The following SUPT3H variants were observed in gnomAD, a reference collection of about 807,000 sequenced individuals.
SUPT3H encodes SPT3 homolog, SAGA and STAGA complex component.
Under a neutral mutation model 44.3 loss-of-function variants are expected in SUPT3H, and 44 were observed. That is an observed-to-expected ratio of 0.99 (90% CI 0.78 to 1.28). The LOEUF (loss-of-function observed/expected upper bound fraction) is 1.28, where lower values mean the gene tolerates loss of function less well. SUPT3H is among the 50% of genes most tolerant of loss of function. The probability of loss-of-function intolerance (pLI) is 0.00; values close to 1 mark genes in which losing one functional copy is unlikely to be tolerated. For synonymous variants in SUPT3H, 124 were observed against 125.6 expected (o/e 0.99, Z 0.09); for missense variants, 380 against 387.1 (o/e 0.98, Z 0.15).
intron 2 of SUPT3H, among the ~76,000 whole-genome samples, chr6:45,235,513 T>G (rs910205776): frequency 2.0e-5 from 3 of 152,140 alleles, no homozygotes; most frequent in African/African-American, 7.2e-5. Flanking sequence ...TATACATGTG[T>G]GTGTGTGTAC....
intron 1 of SUPT3H, among the ~76,000 whole-genome samples, chr6:45,368,957 T>A (rs1277010565): frequency 1.3e-5 from 2 of 152,020 alleles, no homozygotes; most frequent in Non-Finnish European, 2.9e-5. Context: ...GATCTAAATT[T>A]CTTCTGATGT....
intron 2 of SUPT3H, among the ~76,000 whole-genome samples, chr6:45,269,800 C>T (rs1168187179): frequency 6.6e-6 from 1 of 152,166 alleles, no homozygotes; most frequent in African/African-American, 2.4e-5. Context: ...ACCATAAAAT[C>T]CATCCACTGA....
chr6:44,854,466 T>C (rs1450276804), intron 10 of SUPT3H, among the ~76,000 whole-genome samples: 1 of 152,196 alleles, frequency 6.6e-6, no homozygotes, highest in Non-Finnish European at 1.5e-5. Flanking sequence ...CTAGGAGTCA[T>C]TCTGCTCTTC....
intron 2 of SUPT3H, among the ~76,000 whole-genome samples, chr6:45,335,582 A>C (rs1008307749): frequency 1.9e-4 from 29 of 151,332 alleles, no homozygotes; most frequent in Admixed American, 1.3e-4. Flanking sequence ...GATATCTGTA[A>C]CAACTGTACA....
chr6:44,889,829 T>A (rs1426075956), intron 10 of SUPT3H, among the ~76,000 whole-genome samples: 2 of 151,990 alleles, frequency 1.3e-5, no homozygotes, highest in African/African-American at 4.8e-5. Flanking sequence ...ACAGGCAACC[T>A]ACAAAATGGG....
At chr6:45,015,794 C>T (rs935952523) in intron 4 of SUPT3H, among the ~76,000 whole-genome samples, 15 of 128,874 alleles carry the variant, frequency 1.2e-4, no homozygotes, top group East Asian at 2.2e-4. Flanking sequence ...CACACACGCG[C>T]GCGCACACAC....
chr6:44,985,212 T>TAAATAAATAAATAAAATA (rs1554195415), intron 6 of SUPT3H, among the ~76,000 whole-genome samples: 43 of 113,602 alleles, frequency 3.8e-4, no homozygotes, highest in East Asian at 1.3e-3. Flanking sequence ...AATAAATAAA[T>TAAATAAATAAATAAAATA]AAATAAAATA....
intron 10 of SUPT3H, among the ~76,000 whole-genome samples, chr6:44,903,615 G>A (rs534311087): frequency 3.9e-5 from 6 of 152,310 alleles, no homozygotes; most frequent in African/African-American, 1.4e-4. Flanking sequence ...AGTAGGAGCT[G>A]CTACCATTCC....
At chr6:45,231,086 TTTC>T (rs1284692695) in intron 2 of SUPT3H, among the ~76,000 whole-genome samples, 1 of 152,208 alleles carries the variant, frequency 6.6e-6, no homozygotes, top group Non-Finnish European at 1.5e-5. Context: ...TCTTTGTTCC[TTTC>T]TTATTTTCTG....
Position 44,944,672 on chromosome 6 carries a change from G to T in SUPT3H, c.801+8638C>A, listed in dbSNP as rs1231753766. Among the ~76,000 whole-genome samples, 4 of 141,186 alleles carry T rather than the reference G, an allele frequency of 2.8e-5. 1 individual carries two copies. The highest frequency in any genetic ancestry group is 6.1e-5 in the Non-Finnish European group (4 of 66,080). The allele number at this position is 141,186 out of a possible 152,430, so 92.6% of individuals were successfully genotyped here. ...AGCTACTCAGGAAGCTGAGGTGGGA[G>T]GATTGCTTGAGCCTGGGAGATTCAG... is the stretch of plus-strand genomic sequence containing the variant. On this transcript the variant is annotated intron_variant, in intron 9 of 10. Transcript: ENST00000371459.
chr6:45,055,679 G>A (rs754458157), intron 3 of SUPT3H, among the ~76,000 whole-genome samples: 1 of 152,090 alleles, frequency 6.6e-6, no homozygotes, highest in African/African-American at 2.4e-5. Flanking sequence ...ACTCAAGATG[G>A]ATCAAAGACT....
chr6:45,019,168 G>A (rs1040174710), intron 4 of SUPT3H, among the ~76,000 whole-genome samples: 12 of 152,182 alleles, frequency 7.9e-5, no homozygotes, highest in African/African-American at 2.6e-4. Context: ...ATGGTAGTTT[G>A]TATTTCTGTG....
intron 2 of SUPT3H, among the ~76,000 whole-genome samples, chr6:45,201,207 C>A (rs1225568054): frequency 6.6e-6 from 1 of 151,374 alleles, no homozygotes; most frequent in Non-Finnish European, 1.5e-5. Flanking sequence ...TAAAAGTTAC[C>A]CTTTCAACTG....
At chr6:45,186,347 A>C (rs1814208150) in intron 2 of SUPT3H, among the ~76,000 whole-genome samples, 1 of 152,224 alleles carries the variant, frequency 6.6e-6, no homozygotes, top group Admixed American at 6.5e-5. Context: ...CAAATGTTTA[A>C]ATTATCTGAC....
intron 2 of SUPT3H, among the ~76,000 whole-genome samples, chr6:45,154,653 C>CA (rs1807515899): frequency 6.6e-6 from 1 of 152,172 alleles, no homozygotes; most frequent in Non-Finnish European, 1.5e-5. Flanking sequence ...AACTTAGTCC[C>CA]AGGCCATTGT....
intron 2 of SUPT3H, among the ~76,000 whole-genome samples, chr6:45,129,253 G>C (rs140475969): frequency 1.8e-3 from 274 of 152,278 alleles, no homozygotes; most frequent in Middle Eastern, 3.4e-3. Flanking sequence ...GCATTGTTAT[G>C]AAAAGTGCTA....
At chr6:45,028,896 C>CAAAAAAAAAGAAA (rs1786456865) in intron 3 of SUPT3H, among the ~76,000 whole-genome samples, 1 of 71,052 alleles carries the variant, frequency 1.4e-5, no homozygotes, top group Non-Finnish European at 2.6e-5. Flanking sequence ...AAACAGTTGC[C>CAAAAAAAAAGAAA]AAAAAAAAAA....
At chr6:45,054,182 A>G (rs1290093053) in intron 3 of SUPT3H, among the ~76,000 whole-genome samples, 3 of 151,798 alleles carry the variant, frequency 2.0e-5, no homozygotes, top group Non-Finnish European at 4.4e-5. Context: ...TGACTGAGAA[A>G]TCTTCTCCCC....
chr6:44,822,918 G>A (rs945219019), downstream of SUPT3H, among the ~76,000 whole-genome samples: 6 of 151,966 alleles, frequency 3.9e-5, no homozygotes, highest in Non-Finnish European at 8.8e-5. Context: ...AGGAGTTCAA[G>A]ACCAGCCTTT....
Sources: gnomAD v4.1 joint callset for allele counts (sites outside exome capture counted in the v4.1 genomes callset) on GRCh38, gnomAD v4.1.1 for gene constraint, MANE v1.5 for transcripts, NCBI Gene and HGNC (gene_info 2026-07-23, HGNC 2026-07-21) for gene names.